RRP1B: variants seen among roughly 807,000 people sequenced by gnomAD.
RRP1B encodes the protein ribosomal RNA processing 1B, also known as ribosomal RNA processing protein 1 homolog B.
RRP1B carries 56 observed loss-of-function variants against 80.2 expected under a neutral mutation model. The observed-to-expected ratio is 0.70, with a 90% CI of 0.56 to 0.87. The LOEUF (loss-of-function observed/expected upper bound fraction) is 0.87, where lower values mean the gene tolerates loss of function less well. RRP1B is among the 40% of genes least tolerant of loss of function. The pLI, the probability that RRP1B is intolerant of heterozygous loss-of-function variation, is 0.00. For missense variants in RRP1B, 807 were observed against 939.8 expected, an observed-to-expected ratio of 0.86 and a Z score of 1.85; for synonymous variants, 351 against 357.6, an observed-to-expected ratio of 0.98 and a Z score of 0.21.
chr21:43,676,631 A>G, intron 7 of RRP1B, 102 bp from the exon 8 acceptor site: 1 of 1,141,310 alleles, frequency 8.8e-7, no homozygotes, highest in Non-Finnish European at 1.2e-6. Context: ...GGGCCACTCC[A>G]GACCACAGCA....
chr21:43,680,384 CCT>C (rs2083038701), intron 8 of RRP1B, among the ~76,000 whole-genome samples: 1 of 146,594 alleles, frequency 6.8e-6, no homozygotes, highest in Non-Finnish European at 1.5e-5. Context: ...ATGCTCAAAC[CCT>C]GTCTCTACTA....
At chr21:43,689,081 C>T (rs1343537418) in intron 13 of RRP1B, among the ~76,000 whole-genome samples, 4 of 152,366 alleles carry the variant, frequency 2.6e-5, no homozygotes, top group South Asian at 2.1e-4. Flanking sequence ...GGCCCTGATC[C>T]GCTTTTCACA....
At chr21:43,675,418 CG>C (rs1684595545) in intron 6 of RRP1B, among the ~76,000 whole-genome samples, 1 of 152,026 alleles carries the variant, frequency 6.6e-6, no homozygotes, top group Non-Finnish European at 1.5e-5. Context: ...CTCACTAACA[CG>C]GGGGAGTACT....
intron 1 of RRP1B, among the ~76,000 whole-genome samples, chr21:43,669,484 G>A (rs1338682256): frequency 6.6e-6 from 1 of 152,156 alleles, no homozygotes; most frequent in East Asian, 1.9e-4. Flanking sequence ...ACTTGAGCAG[G>A]TCCCCCGCAT....
chr21:43,680,742 A>C (rs2083040104), intron 8 of RRP1B, among the ~76,000 whole-genome samples: 1 of 152,050 alleles, frequency 6.6e-6, no homozygotes, highest in African/African-American at 2.4e-5. Context: ...CAGGGGTCTC[A>C]CTATATTGCC....
intron 13 of RRP1B, 87 bp from the exon 14 acceptor site, chr21:43,690,201 C>G: frequency 6.7e-7 from 1 of 1,490,844 alleles, no homozygotes; most frequent in Non-Finnish European, 9.1e-7. Flanking sequence ...CTGCCTGGGG[C>G]TCTGCCTTCC....
intron 9 of RRP1B, 139 bp downstream of exon 9, chr21:43,683,512 C>G (rs1298817571): frequency 1.6e-6 from 1 of 614,974 alleles, no homozygotes; most frequent in African/African-American, 1.9e-5. Flanking sequence ...CTAAATGTCA[C>G]CTTCTGAAGA....
Position 43,675,133 on chromosome 21 carries a change from G to C in RRP1B, c.519G>C (p.Leu173=), listed in dbSNP as rs200357918. The change falls in exon 6 of 16, where the codon CTG becomes CTC. Residue 173 remains leucine (L), a synonymous_variant. Transcript: ENST00000340648. ...GVRFHFIDIY[L]DELSKVGGKE... ...GATTCCACTTCATTGATATTTACCTGGATGAACTCTCCAAAGTCGGGGGGA... is the reference window on the plus strand; with the variant it reads ...GATTCCACTTCATTGATATTTACCTCGATGAACTCTCCAAAGTCGGGGGGA... 21 of 1,614,058 alleles carry C rather than the reference G, an allele frequency of 1.3e-5. No individual in the cohort carries two copies. The highest frequency in any genetic ancestry group is 1.7e-5 in the Admixed American group (1 of 60,012).
At chr21:43,685,030 A>C (rs1384367965) in intron 10 of RRP1B, among the ~76,000 whole-genome samples, 2 of 152,146 alleles carry the variant, frequency 1.3e-5, no homozygotes, top group African/African-American at 2.4e-5. Context: ...TGGCTATGCC[A>C]AAAGTGTTAG....
chr21:43,677,546 C>CCAT (rs1412469472), intron 8 of RRP1B, among the ~76,000 whole-genome samples: 8 of 152,002 alleles, frequency 5.3e-5, no homozygotes, highest in Non-Finnish European at 8.8e-5. Context: ...TGTTGTATAC[C>CCAT]CATTTAAAAG....
chr21:43,685,907 T>C, intron 11 of RRP1B, 118 bp downstream of exon 11: 1 of 1,322,282 alleles, frequency 7.6e-7, no homozygotes, highest in South Asian at 1.4e-5. Flanking sequence ...AAACCTCTGA[T>C]AAGAAATAAT....
intron 13 of RRP1B, among the ~76,000 whole-genome samples, chr21:43,690,010 A>G (rs1440318631): frequency 6.6e-6 from 1 of 152,260 alleles, no homozygotes; most frequent in Non-Finnish European, 1.5e-5. Context: ...GAAAGGCCAA[A>G]ATCCCCATTT....
In RRP1B at chr21:43,693,795, G is replaced by A. The variant is rs1032422474; in HGVS notation, c.*412G>A. The A allele has an allele frequency of 2.5e-5, 4 of 163,024 alleles. No individual in the cohort carries two copies. The highest frequency in any genetic ancestry group is 3.9e-5 in the Non-Finnish European group (3 of 76,166). 10.1% of individuals were successfully genotyped at this position (163,024 alleles called of 1,614,324 possible). On this transcript the variant is annotated 3_prime_UTR_variant, in exon 16 of 16. Transcript: ENST00000340648. The surrounding 1 kb of genome is among the most constrained non-coding windows in gnomAD (Gnocchi z 4.1). ...GAATTTGGTACTCATTACCGTATTC[G>A]CCGTACTAAGTTGGTTTCTGTTAGT...
intron 1 of RRP1B, among the ~76,000 whole-genome samples, chr21:43,667,352 G>GA (rs2082982321): frequency 6.6e-6 from 1 of 152,168 alleles, no homozygotes; most frequent in African/African-American, 2.4e-5. Flanking sequence ...TCAGCCACCT[G>GA]AGTACTTGGG....
At position 43,691,728 on chromosome 21, in the gene RRP1B, C is replaced by T. The variant is rs1485379333; in HGVS notation, c.2083+226C>T. ...ATCTTGGCTCACTGCAACCTCCGCC[C>T]CCCCAGGTTCAAGCGATTCTCCTGC... On this transcript the variant is annotated intron_variant, in intron 15 of 15. Coordinates refer to ENST00000340648, the MANE Select transcript of RRP1B (RefSeq NM_015056.3). This position sits in a 1 kb window ranked among gnomAD's most constrained non-coding sequence, Gnocchi z 4.2. Among the ~76,000 whole-genome samples, 1 of 151,932 alleles carries T rather than the reference C, an allele frequency of 6.6e-6. No individual in the cohort carries two copies. The highest frequency in any genetic ancestry group is 2.4e-5 in the African/African-American group (1 of 41,350).
At chr21:43,668,719 C>T (rs1291807392) in intron 1 of RRP1B, among the ~76,000 whole-genome samples, 1 of 152,086 alleles carries the variant, frequency 6.6e-6, no homozygotes, top group African/African-American at 2.4e-5. Context: ...CACATTGATT[C>T]TAAATATTTG....
chr21:43,693,076 T>C lies in RRP1B; in HGVS notation c.2084-114T>C. ...TCTCTGCAGGGCCTTGAGATGGCCC[T>C]GCTTCGTCCTAGCAAGTGGGTGGGG... On this transcript the variant is annotated intron_variant, in intron 15 of 15. Transcript: ENST00000340648. This position sits in a 1 kb window ranked among gnomAD's most constrained non-coding sequence, Gnocchi z 4.1. 1 of 1,075,120 alleles carries C rather than the reference T, an allele frequency of 9.3e-7. No homozygotes were observed. The highest frequency in any genetic ancestry group is 1.4e-6 in the Non-Finnish European group (1 of 730,364). The allele number at this position is 1,075,120 out of a possible 1,614,324, so 66.6% of individuals were successfully genotyped here.
At position 43,690,161 on chromosome 21, in the gene RRP1B, G is replaced by A. The variant is rs1035687514; in HGVS notation, c.1867-127G>A. 6 of 1,063,520 alleles carry A rather than the reference G, an allele frequency of 5.6e-6. No individual in the cohort carries two copies. The Admixed American group carries it at 1.3e-4, about 23-fold the overall frequency. The allele number at this position is 1,063,520 out of a possible 1,614,324, so 65.9% of individuals were successfully genotyped here. A position where few individuals can be genotyped will look rare whatever the true frequency, so the allele number is the denominator to read the frequency against. On this transcript the variant is annotated intron_variant, in intron 13 of 15. Transcript: ENST00000340648. Reference sequence around the variant, plus strand: ...AAGGGCTGTCTGCAAGTGCGGTGCGGAAGACCGCGGGCCGTCGGGTGGGCT... The same window carrying A: ...AAGGGCTGTCTGCAAGTGCGGTGCGAAAGACCGCGGGCCGTCGGGTGGGCT...
At chr21:43,671,580 C>T (rs1472011197) in intron 2 of RRP1B, among the ~76,000 whole-genome samples, 1 of 151,962 alleles carries the variant, frequency 6.6e-6, no homozygotes, top group African/African-American at 2.4e-5. Context: ...GTTGCCTAGG[C>T]TGGCGTTGAA....
Sources: gnomAD v4.1 joint callset for allele counts (sites outside exome capture counted in the v4.1 genomes callset) on GRCh38, gnomAD v4.1.1 for gene constraint, Gnocchi (gnomAD v3.1) non-coding constraint, MANE v1.5 for transcripts, NCBI Gene and HGNC (gene_info 2026-07-23, HGNC 2026-07-21) for gene names.